Variants in ELP4 observed in about 807,000 individuals in gnomAD.
The protein encoded by ELP4 is elongator complex protein 4.
A neutral mutation model predicts 48.9 loss-of-function variants in ELP4; 51 were observed. That is an observed-to-expected ratio of 1.04 (90% CI 0.83 to 1.32). The LOEUF (loss-of-function observed/expected upper bound fraction) is 1.32. ELP4 is among the 40% of genes most tolerant of loss of function. ELP4 has a pLI of 0.00. For synonymous variants in ELP4, 210 were observed against 189.2 expected, an observed-to-expected ratio of 1.11 and a Z score of -0.90; for missense variants, 519 against 514.6, an observed-to-expected ratio of 1.01 and a Z score of -0.08.
intron 9 of ELP4, among the ~76,000 whole-genome samples, chr11:31,709,269 A>G (rs935007726): frequency 1.3e-5 from 2 of 152,144 alleles, no homozygotes; most frequent in African/African-American, 4.8e-5. Flanking sequence ...TCATATTACA[A>G]ACTATAGATT....
chr11:31,519,606 C>A (rs960412312), intron 1 of ELP4, among the ~76,000 whole-genome samples: 6 of 152,130 alleles, frequency 3.9e-5, no homozygotes, highest in African/African-American at 1.4e-4. Context: ...AGGTGGATCA[C>A]GTGAGGTCAG....
intron 8 of ELP4, 38 bp from the exon 9 acceptor site, chr11:31,650,077 G>C (rs1945288356): frequency 1.2e-6 from 1 of 852,514 alleles, no homozygotes; most frequent in Admixed American, 1.9e-5. Flanking sequence ...TGATGACAAT[G>C]TTTTAAATTT....
At chr11:31,548,425 C>A in intron 3 of ELP4, among the ~76,000 whole-genome samples, 1 of 151,660 alleles carries the variant, frequency 6.6e-6, no homozygotes, top group Non-Finnish European at 1.5e-5. Context: ...ATCCAACTTA[C>A]AAGGGATGTG....
At chr11:31,687,285 G>A (rs1386380945) in intron 9 of ELP4, among the ~76,000 whole-genome samples, 1 of 152,154 alleles carries the variant, frequency 6.6e-6, no homozygotes, top group Non-Finnish European at 1.5e-5. Context: ...TATATAGCTG[G>A]TAGTTGAAGA....
intron 9 of ELP4, among the ~76,000 whole-genome samples, chr11:31,691,564 G>T (rs1371986761): frequency 6.6e-6 from 1 of 151,874 alleles, no homozygotes; most frequent in Non-Finnish European, 1.5e-5. Context: ...CATTTATAAA[G>T]CCTCAGTTTT....
chr11:31,683,681 G>A (rs1279739123), intron 9 of ELP4, among the ~76,000 whole-genome samples: 3 of 152,092 alleles, frequency 2.0e-5, no homozygotes, highest in Admixed American at 6.6e-5. Flanking sequence ...AAAGCCTACT[G>A]TATAGGGGGT....
chr11:31,699,365 C>T (rs1946474274), intron 9 of ELP4, among the ~76,000 whole-genome samples: 1 of 152,056 alleles, frequency 6.6e-6, no homozygotes, highest in Non-Finnish European at 1.5e-5. Context: ...ACTAGCCAGT[C>T]TGGGAAATTT....
chr11:31,710,004 A>T (rs1025501311), intron 9 of ELP4, among the ~76,000 whole-genome samples: 2 of 152,152 alleles, frequency 1.3e-5, no homozygotes, highest in African/African-American at 4.8e-5. Flanking sequence ...CACTTATCAC[A>T]GTCTTTAATT....
chr11:31,748,398 C>A (rs1947645331), intron 9 of ELP4, among the ~76,000 whole-genome samples: 2 of 152,214 alleles, frequency 1.3e-5, no homozygotes, highest in South Asian at 4.1e-4. Context: ...GCGCACGCCA[C>A]TATGCCCAGC....
intron 5 of ELP4, among the ~76,000 whole-genome samples, chr11:31,616,153 T>G (rs1944478462): frequency 6.6e-6 from 1 of 151,990 alleles, no homozygotes; most frequent in Admixed American, 6.6e-5. Context: ...AAGTTGGAAG[T>G]TTTATACTTC....
In ELP4 at chr11:31,673,224, C is replaced by T. The variant is rs1035726378; in HGVS notation, c.1143+23003C>T. On this transcript the variant is annotated intron_variant, in intron 9 of 9. Transcript: ENST00000640961. ...TAGAGATGGGGTTTCGCCATGTTGG[C>T]CAGGCTGGTCTCAAACTCCTGACCT... Among the ~76,000 whole-genome samples, 6 of 152,094 alleles carry T rather than the reference C, an allele frequency of 3.9e-5. No homozygotes were observed. In the East Asian group the frequency reaches 9.6e-4, roughly 24 times the overall value.
intron 3 of ELP4, among the ~76,000 whole-genome samples, chr11:31,557,949 C>T (rs1233599407): frequency 6.6e-6 from 1 of 151,880 alleles, no homozygotes; most frequent in Non-Finnish European, 1.5e-5. Context: ...CACTATATAT[C>T]TTTTGTTCAT....
chr11:31,534,040 G>A (rs1413596222), intron 2 of ELP4, among the ~76,000 whole-genome samples: 1 of 151,814 alleles, frequency 6.6e-6, no homozygotes, highest in Non-Finnish European at 1.5e-5. Flanking sequence ...GTTTCACCAT[G>A]TTAGCCAGGA....
At chr11:31,638,938 T>C (rs998953002) in intron 7 of ELP4, among the ~76,000 whole-genome samples, 4 of 151,894 alleles carry the variant, frequency 2.6e-5, no homozygotes, top group African/African-American at 9.7e-5. Flanking sequence ...AATATACTTT[T>C]GTGAGTTTAC....
At chr11:31,752,829 A>G (rs986250759) in intron 9 of ELP4, among the ~76,000 whole-genome samples, 5 of 124,052 alleles carry the variant, frequency 4.0e-5, no homozygotes, top group Admixed American at 1.6e-4. Flanking sequence ...GTGAGACTCC[A>G]TCTCAAAAAA....
At chr11:31,661,820 G>T (rs1945562866) in intron 9 of ELP4, among the ~76,000 whole-genome samples, 1 of 152,062 alleles carries the variant, frequency 6.6e-6, no homozygotes, top group East Asian at 1.9e-4. Flanking sequence ...TGTTATTGTT[G>T]AAAACAGTTC....
chr11:31,610,323 TTTTG>T (rs1029888902), intron 5 of ELP4, among the ~76,000 whole-genome samples: 55 of 85,384 alleles, frequency 6.4e-4, no homozygotes, highest in African/African-American at 1.5e-3. Flanking sequence ...GGGCCTCATT[TTTTG>T]TTTGTTTTGT....
intron 3 of ELP4, among the ~76,000 whole-genome samples, chr11:31,588,900 T>G (rs562613893): frequency 1.3e-5 from 2 of 152,264 alleles, no homozygotes; most frequent in East Asian, 1.9e-4. Context: ...TGAGAATGGC[T>G]TGAGCCCAGG....
At chr11:31,627,334 A>C in intron 6 of ELP4, 140 bp downstream of exon 6, 1 of 552,324 alleles carries the variant, frequency 1.8e-6, no homozygotes, top group East Asian at 2.9e-5. Flanking sequence ...CATGTACATA[A>C]GCAGAGCACA....
Sources: gnomAD v4.1 joint callset for allele counts (sites outside exome capture counted in the v4.1 genomes callset) on GRCh38, gnomAD v4.1.1 for gene constraint, MANE v1.5 for transcripts, NCBI Gene and HGNC (gene_info 2026-07-23, HGNC 2026-07-21) for gene names.